The following PCDHA1 variants were observed in gnomAD, a reference collection of about 807,000 sequenced individuals.
PCDHA1 encodes protocadherin alpha 1.
PCDHA1 carries 42 observed loss-of-function variants against 61.3 expected under a neutral mutation model. That is an observed-to-expected ratio of 0.69 (90% CI 0.54 to 0.89). PCDHA1 has a LOEUF of 0.89. Ranked by LOEUF, PCDHA1 falls within the 40% of genes least tolerant of loss-of-function variation. The probability of loss-of-function intolerance (pLI) is 0.00; values close to 1 mark genes in which losing one functional copy is unlikely to be tolerated. For synonymous variants in PCDHA1, 610 were observed against 553.8 expected (o/e 1.10, Z -1.43); for missense variants, 1,256 against 1,235.3 (o/e 1.02, Z -0.25).
intron 1 of PCDHA1, chr5:140,836,659 G>A: frequency 6.2e-7 from 1 of 1,613,452 alleles, no homozygotes; most frequent in South Asian, 1.1e-5. Flanking sequence ...CAGAGGGTGT[G>A]CTCTGGGGAG....
chr5:140,945,828 A>T (rs2093847646), intron 1 of PCDHA1, among the ~76,000 whole-genome samples: 1 of 152,176 alleles, frequency 6.6e-6, no homozygotes, highest in Admixed American at 6.5e-5. Flanking sequence ...TACAAAAGTC[A>T]ACTCAAAATG....
Position 140,835,426 on chromosome 5 carries a change from C to A in PCDHA1, c.2394+46742C>A, listed in dbSNP as rs1773631354. On this transcript the variant is annotated intron_variant, in intron 1 of 3. Transcript: ENST00000504120. ...GTTGTGGATGTAAATGACAATGCTC[C>A]ACAGTTGACTCTCACTTCCCTGTCT... 7 of 1,613,914 alleles carry A rather than the reference C, an allele frequency of 4.3e-6. No individual in the cohort carries two copies. In the East Asian group the frequency reaches 1.6e-4, roughly 36 times the overall value.
chr5:140,876,312 G>C (rs557901977), intron 1 of PCDHA1: 1 of 1,614,036 alleles, frequency 6.2e-7, no homozygotes. Context: ...TTTCCTATGG[G>C]ATCAAAATGA....
Position 140,786,182 on chromosome 5 carries a change from G to T in PCDHA1, c.-109G>T, listed in dbSNP as rs138966220. ...AAGGAGGAAGCTCCATTTTGTCACC[G>T]CCTGAGAGAAGACAGAAACGGTAAA... On this transcript the variant is annotated 5_prime_UTR_variant, in exon 1 of 4. Coordinates refer to ENST00000504120, the MANE Select transcript of PCDHA1 (RefSeq NM_018900.4). 3.1e-4 allele frequency: 432 copies of T among 1,404,716 alleles called. 2 individuals are homozygous for T. The African/African-American group carries it at 5.8e-3, about 19-fold the overall frequency. 87.0% of individuals were successfully genotyped at this position (1,404,716 alleles called of 1,614,324 possible). A position where few individuals can be genotyped will look rare whatever the true frequency, so the allele number is the denominator to read the frequency against.
chr5:140,926,921 G>A (rs1554203799), intron 1 of PCDHA1: 3 of 1,571,110 alleles, frequency 1.9e-6, no homozygotes, highest in African/African-American at 2.7e-5. Flanking sequence ...GCAGTTTTAT[G>A]TTTGTGGGTT....
At chr5:140,888,213 T>A (rs1460298215) in intron 1 of PCDHA1, among the ~76,000 whole-genome samples, 1 of 152,170 alleles carries the variant, frequency 6.6e-6, no homozygotes, top group East Asian at 1.9e-4. Context: ...CTGGATTTTG[T>A]GTGTGTGTGC....
chr5:140,807,838 A>G, intron 1 of PCDHA1: 2 of 1,614,184 alleles, frequency 1.2e-6, no homozygotes, highest in East Asian at 4.5e-5. Flanking sequence ...CCACTGATGG[A>G]GGCAAACCCG....
intron 1 of PCDHA1, among the ~76,000 whole-genome samples, chr5:140,821,351 T>C (rs1324284544): frequency 1.3e-5 from 2 of 152,246 alleles, no homozygotes; most frequent in Admixed American, 6.5e-5. Context: ...TTCATGACTT[T>C]AGATGTATTT....
chr5:140,886,827 G>GAAAA (rs782016620), intron 1 of PCDHA1, among the ~76,000 whole-genome samples: 11 of 60,864 alleles, frequency 1.8e-4, no homozygotes, highest in Admixed American at 1.8e-4. Context: ...ACTTCGTCTT[G>GAAAA]AAAAAAAAAA....
At position 140,807,404 on chromosome 5, in the gene PCDHA1, G is replaced by A. The variant is rs201303975; in HGVS notation, c.2394+18720G>A. ...CCGGGTGGCGTCCAAGGGCCGCGGA[G>A]GCCTTCTGGAGGTAAATCTGCAGAA... On this transcript the variant is annotated intron_variant, in intron 1 of 3. Coordinates refer to ENST00000504120, the MANE Select transcript of PCDHA1 (RefSeq NM_018900.4). 2 of 737,044 alleles carry A rather than the reference G, an allele frequency of 2.7e-6. 1 individual carries two copies. The highest frequency in any genetic ancestry group is 5.5e-5 in the South Asian group (2 of 36,322). The allele number at this position is 737,044 out of a possible 1,614,324, so 45.7% of individuals were successfully genotyped here. A position where few individuals can be genotyped will look rare whatever the true frequency, so the allele number is the denominator to read the frequency against.
chr5:140,969,117 A>G (rs1554231477), intron 1 of PCDHA1: 1 of 1,614,178 alleles, frequency 6.2e-7, no homozygotes, highest in Non-Finnish European at 8.5e-7. Context: ...GTTCGAGGGA[A>G]TGGCTCCCTC....
At chr5:140,863,336 T>A (rs782350790) in intron 1 of PCDHA1, 1 of 1,385,482 alleles carries the variant, frequency 7.2e-7, no homozygotes, top group Admixed American at 1.8e-5. Flanking sequence ...GTGCTCACGT[T>A]GCTGCTGTAC....
rs553967078 is a variant in PCDHA1, at chr5:140,856,258, C to T, written c.2394+67574C>T. 103 of 1,598,068 alleles carry T rather than the reference C, an allele frequency of 6.4e-5. 11 individuals carry two copies. The highest frequency in any genetic ancestry group is 2.7e-4 in the Admixed American group (16 of 59,260). On this transcript the variant is annotated intron_variant, in intron 1 of 3. Transcript: ENST00000504120. Reference sequence around the variant, plus strand: ...TGTTCCGGGTGGCGTCCAAAAGACACGGGGACCTTCTGGAGGTAAATCTGC... The same window carrying T: ...TGTTCCGGGTGGCGTCCAAAAGACATGGGGACCTTCTGGAGGTAAATCTGC...
intron 1 of PCDHA1, chr5:140,967,137 T>C: frequency 1.2e-6 from 2 of 1,611,728 alleles, no homozygotes; most frequent in Non-Finnish European, 1.7e-6. Context: ...TTGGAAGTGC[T>C]GGCGCACAAC....
intron 1 of PCDHA1, among the ~76,000 whole-genome samples, chr5:140,798,097 C>G (rs1484810374): frequency 2.0e-5 from 3 of 152,116 alleles, no homozygotes; most frequent in Non-Finnish European, 4.4e-5. Flanking sequence ...GTCTCAAACT[C>G]CTGGCCTCAA....
chr5:140,801,137 C>G (rs1357728737), intron 1 of PCDHA1: 3 of 1,524,932 alleles, frequency 2.0e-6, no homozygotes, highest in East Asian at 2.3e-5. Flanking sequence ...ATAAGGAACT[C>G]GAATTATTTT....
At chr5:140,914,964 T>A (rs1328203928) in intron 1 of PCDHA1, among the ~76,000 whole-genome samples, 18 of 131,662 alleles carry the variant, frequency 1.4e-4, no homozygotes, top group Non-Finnish European at 3.0e-4. Context: ...TTTTTTTTTC[T>A]GAGTCAGAGT....
chr5:140,882,036 G>C, intron 1 of PCDHA1: 1 of 646,228 alleles, frequency 1.5e-6, no homozygotes. Context: ...AAAATATGAA[G>C]ACTGAGTCAT....
At chr5:140,947,601 A>G (rs1296948194) in intron 1 of PCDHA1, among the ~76,000 whole-genome samples, 1 of 151,680 alleles carries the variant, frequency 6.6e-6, no homozygotes, top group Non-Finnish European at 1.5e-5. Context: ...TTTAGGGAAG[A>G]TTTGGTATCT....
Sources: gnomAD v4.1 joint callset for allele counts (sites outside exome capture counted in the v4.1 genomes callset) on GRCh38, gnomAD v4.1.1 for gene constraint, MANE v1.5 for transcripts, NCBI Gene and HGNC (gene_info 2026-07-23, HGNC 2026-07-21) for gene names.